The following KATNAL2 variants were observed in gnomAD, a reference collection of about 807,000 sequenced individuals.
The protein encoded by KATNAL2 is katanin p60 ATPase-containing subunit A-like 2.
KATNAL2 carries 52 observed loss-of-function variants against 76.3 expected under a neutral mutation model. The ratio of observed to expected loss-of-function variants is 0.68; its 90% CI spans 0.55 to 0.86. KATNAL2 has a LOEUF of 0.86. Among genes scored for constraint, KATNAL2 ranks in the 40% least tolerant of loss-of-function variants. The pLI is 0.00. For synonymous variants in KATNAL2, 243 were observed against 244.2 expected (o/e 1.00, Z 0.05); for missense variants, 660 against 668.9 (o/e 0.99, Z 0.15).
At chr18:46,965,707 G>A (rs2060108570) in intron 3 of KATNAL2, among the ~76,000 whole-genome samples, 3 of 131,260 alleles carry the variant, frequency 2.3e-5, no homozygotes, top group Non-Finnish European at 1.7e-5. Context: ...GGATCCTGCC[G>A]GTAGAGCCAG....
At chr18:47,035,670 T>C (rs1259861309) in intron 3 of KATNAL2, 4 of 346,344 alleles carry the variant, frequency 1.2e-5, no homozygotes, top group East Asian at 6.7e-5. Context: ...GTCAGCACAA[T>C]GCAGACAATC....
In KATNAL2 at chr18:47,062,972, G is replaced by C; in HGVS notation, c.550G>C (p.Gly184Arg). ...SGEENAHPRRGQIIDFQGLLT... is the reference protein window; with the variant it reads ...SGEENAHPRRRQIIDFQGLLT... ...ATAAATAACCATTCCTCCCTTTCAG[G>C]GCCAAATCATTGACTTCCAAGGGCT... The change falls in exon 9 of 18, where the codon GGC (glycine) becomes CGC (arginine). Residue 184 changes from glycine (G) to arginine (R), a missense_variant and splice_region_variant. Transcript: ENST00000683218. 6.2e-7 allele frequency: 1 copy of C among 1,613,174 alleles called. No homozygotes were observed.
chr18:46,937,146 A>G (rs530099397), intron 1 of KATNAL2, among the ~76,000 whole-genome samples: 88 of 152,258 alleles, frequency 5.8e-4, no homozygotes, highest in African/African-American at 2.1e-3. Flanking sequence ...CTATAAGAGT[A>G]TGAACTCTTG....
intron 1 of KATNAL2, among the ~76,000 whole-genome samples, chr18:46,926,031 A>C (rs1203865889): frequency 6.6e-6 from 1 of 152,020 alleles, no homozygotes; most frequent in African/African-American, 2.4e-5. Context: ...TTTTCAAAAA[A>C]CCAGCTCCTG....
Position 47,049,735 on chromosome 18 carries a change from A to T in KATNAL2, c.123-3145A>T, listed in dbSNP as rs1450824723. ...TTTGTTATTGTGGTTGTTGTTTTGG[A>T]GACAGGGTCTCACCTATCATCCAGG... On this transcript the variant is annotated intron_variant, in intron 4 of 17. Coordinates refer to ENST00000683218, the MANE Select transcript of KATNAL2 (RefSeq NM_001387690.1). 3.9e-5 allele frequency among the ~76,000 whole-genome samples: 6 copies of T among 152,250 alleles called. 1 individual carries two copies. The highest frequency in any genetic ancestry group is 1.4e-4 in the African/African-American group (6 of 41,532).
At chr18:47,046,618 C>A in intron 4 of KATNAL2, 91 bp downstream of exon 4, 1 of 918,378 alleles carries the variant, frequency 1.1e-6, no homozygotes, top group Non-Finnish European at 1.7e-6. Context: ...AATAGACTTT[C>A]TTGTTTAGAG....
chr18:46,946,979 C>A, intron 3 of KATNAL2, 56 bp downstream of exon 3: 1 of 1,198,340 alleles, frequency 8.3e-7, no homozygotes, highest in Non-Finnish European at 1.2e-6. Context: ...CCTACTGTTG[C>A]TGCGGGACGA....
At chr18:46,935,586 G>A (rs2059064084) in intron 1 of KATNAL2, among the ~76,000 whole-genome samples, 1 of 151,956 alleles carries the variant, frequency 6.6e-6, no homozygotes, top group African/African-American at 2.4e-5. Flanking sequence ...ACTGCAACAG[G>A]ATAGTTTTAT....
At chr18:47,054,147 CT>C (rs1453484341) in intron 5 of KATNAL2, among the ~76,000 whole-genome samples, 1 of 152,182 alleles carries the variant, frequency 6.6e-6, no homozygotes, top group Admixed American at 6.5e-5. Flanking sequence ...TCCACAGTCT[CT>C]GACATGTTTA....
At chr18:47,062,922 G>A (rs1382460257) in intron 8 of KATNAL2, 50 bp from the exon 9 acceptor site, 1 of 1,412,684 alleles carries the variant, frequency 7.1e-7, no homozygotes, top group South Asian at 1.2e-5. Context: ...TTATTAAGAA[G>A]AGTCTTCTCT....
At chr18:46,952,393 GTTTTTTTTTTTT>G (rs35596537) in intron 3 of KATNAL2, among the ~76,000 whole-genome samples, 1 of 64,424 alleles carries the variant, frequency 1.6e-5, no homozygotes, top group Admixed American at 2.6e-4. Flanking sequence ...CTGCAGGTAT[GTTTTTTTTTTTT>G]TTTTTTTTTT....
Position 47,063,269 on chromosome 18 carries a change from C to T in KATNAL2, c.649-15C>T, listed in dbSNP as rs374680875. ...AGCAATATTGTAATGTGAGCCTTTC[C>T]GCTCCTCTCATCAGGAACGACTGCT... On this transcript the variant is annotated splice_polypyrimidine_tract_variant and intron_variant, in intron 9 of 17. Coordinates refer to ENST00000683218, the MANE Select transcript of KATNAL2 (RefSeq NM_001387690.1). 3.5e-5 allele frequency: 56 copies of T among 1,611,674 alleles called. No homozygotes were observed. The highest frequency in any genetic ancestry group is 1.8e-4 in the East Asian group (8 of 44,876).
rs1378590129 is a variant in KATNAL2 at position 47,075,351 on chromosome 18, G to A, written c.1083G>A (p.Gln361=). 2 of 1,544,576 alleles carry A rather than the reference G, an allele frequency of 1.3e-6. No individual in the cohort carries two copies. The highest frequency in any genetic ancestry group is 8.7e-7 in the Non-Finnish European group (1 of 1,151,332). ...FLDELESVMS[Q]RGTASGGEHE... is the part of the protein sequence containing the mutation. ...ACGAGCTGGAGTCGGTGATGAGTCA[G>A]AGAGGCACAGCTTCTGGGTAACAGA... is the stretch of plus-strand genomic sequence containing the variant. Residue 361 remains glutamine (Q), a synonymous_variant, in exon 14 of 18, where the codon CAG becomes CAA. Coordinates refer to ENST00000683218, the MANE Select transcript of KATNAL2 (RefSeq NM_001387690.1).
chr18:47,041,568 C>G (rs1207611746), intron 3 of KATNAL2, among the ~76,000 whole-genome samples: 1 of 152,136 alleles, frequency 6.6e-6, no homozygotes, highest in African/African-American at 2.4e-5. Flanking sequence ...ATTCCATTGT[C>G]TGAGTATACC....
intron 3 of KATNAL2, among the ~76,000 whole-genome samples, chr18:46,955,373 C>T (rs1252696003): frequency 9.9e-5 from 15 of 151,304 alleles, no homozygotes; most frequent in Admixed American, 8.6e-4. Context: ...TGCGCCACCA[C>T]GCCTGGCTAA....
chr18:47,051,182 T>C (rs899185036), intron 4 of KATNAL2, among the ~76,000 whole-genome samples: 15 of 152,090 alleles, frequency 9.9e-5, no homozygotes, highest in Admixed American at 7.2e-4. Flanking sequence ...CACATCGAAT[T>C]CAAACCTCAT....
At chr18:47,062,872 A>G (rs562460451) in intron 8 of KATNAL2, 100 bp from the exon 9 acceptor site, 2 of 835,930 alleles carry the variant, frequency 2.4e-6, no homozygotes, top group South Asian at 3.5e-5. Flanking sequence ...TGCCCTATAT[A>G]CCAGGGTCTA....
At chr18:47,099,510 A>AC (rs2063383406) in intron 16 of KATNAL2, 105 bp downstream of exon 16, 3 of 1,122,202 alleles carry the variant, frequency 2.7e-6, no homozygotes, top group East Asian at 2.6e-5. Context: ...GACACTTAGA[A>AC]TAAGATCCAA....
chr18:47,079,193 A>G (rs550066505), intron 15 of KATNAL2, among the ~76,000 whole-genome samples: 47 of 152,324 alleles, frequency 3.1e-4, no homozygotes, highest in African/African-American at 1.1e-3. Flanking sequence ...CATGTTGAAG[A>G]AAAATAAGGA....
Sources: gnomAD v4.1 joint callset for allele counts (sites outside exome capture counted in the v4.1 genomes callset) on GRCh38, gnomAD v4.1.1 for gene constraint, MANE v1.5 for transcripts, NCBI Gene and HGNC (gene_info 2026-07-23, HGNC 2026-07-21) for gene names.